The following KLHL28 variants were observed in gnomAD, a reference collection of about 807,000 sequenced individuals.
KLHL28 encodes the protein kelch like family member 28.
Under a neutral mutation model 48.3 loss-of-function variants are expected in KLHL28, and 22 were observed. The ratio of observed to expected loss-of-function variants is 0.46; its 90% confidence interval spans 0.33 to 0.65. The LOEUF is 0.65. Among genes scored for constraint, KLHL28 ranks in the 30% least tolerant of loss-of-function variants. The probability of loss-of-function intolerance (pLI) is 0.03; values close to 1 mark genes in which losing one functional copy is unlikely to be tolerated. For missense variants in KLHL28, 527 were observed against 704.3 expected, an observed-to-expected ratio of 0.75 and a Z score of 2.85; for synonymous variants, 243 against 242.4, an observed-to-expected ratio of 1.00 and a Z score of -0.02.
In KLHL28 at chr14:44,945,022, C is replaced by G; in HGVS notation, c.899+8G>C. On this transcript the variant is annotated splice_region_variant and intron_variant, in intron 2 of 4. Coordinates refer to ENST00000396128, the MANE Select transcript of KLHL28 (RefSeq NM_017658.5). ...AGCATCATTCATTTAGGAAAGCCTTCTATTTACCTATCCAAACAGGCAAAG... is the reference window on the plus strand; with the variant it reads ...AGCATCATTCATTTAGGAAAGCCTTGTATTTACCTATCCAAACAGGCAAAG... The G allele has an allele frequency of 6.4e-7, 1 of 1,567,804 alleles. No homozygotes were observed. The highest frequency in any genetic ancestry group is 8.7e-7 in the Non-Finnish European group (1 of 1,148,826).
At chr14:44,929,581 G>A (rs1883498481) in intron 4 of KLHL28, among the ~76,000 whole-genome samples, 1 of 152,064 alleles carries the variant, frequency 6.6e-6, no homozygotes, top group Non-Finnish European at 1.5e-5. Flanking sequence ...TACATATATA[G>A]GGTTTGGTAC....
chr14:44,945,192 T>A lies in KLHL28; in HGVS notation c.737A>T (p.Asp246Val). 1.9e-6 allele frequency: 3 copies of A among 1,614,180 alleles called. No homozygotes were observed. The highest frequency in any genetic ancestry group is 2.5e-6 in the Non-Finnish European group (3 of 1,180,024). Residue 246 changes from aspartate to valine, a missense_variant, in exon 2 of 5, where the codon GAT (aspartate) becomes GTT (valine). By Grantham distance (152) the Asp-to-Val change is radical. Transcript: ENST00000396128. ...CAAAAGATGTTTACAAGTGCGATCA[T>A]CACGAATAAGATGATTTGCTTCATA... The part of the protein sequence containing the change: ...RLYEANHLIR[D>V]DRTCKHLLNE...
At chr14:44,958,393 T>TAA (rs139748762) in intron 1 of KLHL28, among the ~76,000 whole-genome samples, 1 of 149,410 alleles carries the variant, frequency 6.7e-6, no homozygotes, top group Admixed American at 6.7e-5. Flanking sequence ...AGATTACTCT[T>TAA]AAAAAAAAAA....
chr14:44,931,500 A>C lies in KLHL28; in HGVS notation c.1385T>G (p.Val462Gly). Reference sequence around the variant, plus strand: ...AATCCTTTTATCTGCCATGGATGCAACCATCTCCCAGGAGTCCTTACTTGG... The same window carrying C: ...AATCCTTTTATCTGCCATGGATGCACCCATCTCCCAGGAGTCCTTACTTGG... The part of the protein sequence containing the change: ...YDPSKDSWEM[V>G]ASMADKRIHF... Residue 462 changes from valine to glycine, a missense_variant, in exon 4 of 5, where the codon GTT (valine) becomes GGT (glycine). Physicochemically the swap from Val to Gly is moderately radical, Grantham distance 109 (BLOSUM62 -3). Coordinates refer to ENST00000396128, the MANE Select transcript of KLHL28 (RefSeq NM_017658.5). 6.2e-7 allele frequency: 1 copy of C among 1,614,088 alleles called. No individual in the cohort carries two copies. The highest frequency in any genetic ancestry group is 8.5e-7 in the Non-Finnish European group (1 of 1,179,978).
chr14:44,959,871 A>G (rs1158872969), intron 1 of KLHL28, among the ~76,000 whole-genome samples: 2 of 152,178 alleles, frequency 1.3e-5, no homozygotes, highest in Non-Finnish European at 2.9e-5. Context: ...ATTAAATACA[A>G]AAGGCTTTTT....
chr14:44,944,402 C>T (rs1470615547), intron 2 of KLHL28, among the ~76,000 whole-genome samples: 2 of 152,178 alleles, frequency 1.3e-5, no homozygotes, highest in African/African-American at 2.4e-5. Flanking sequence ...TTACATGGCT[C>T]ACAAAGTCTA....
chr14:44,932,692 C>A (rs1883640529), intron 3 of KLHL28, among the ~76,000 whole-genome samples: 1 of 152,188 alleles, frequency 6.6e-6, no homozygotes, highest in Non-Finnish European at 1.5e-5. Context: ...AGACCAAAAT[C>A]ATTGAAGAAG....
chr14:44,945,658 C>G lies in KLHL28; in HGVS notation c.271G>C (p.Glu91Gln), dbSNP rs1884300696. The change falls in exon 2 of 5, where the codon GAG becomes CAG. Residue 91 changes from glutamate to glutamine, a missense_variant. Glu to Gln is a conservative substitution (Grantham distance 29). Coordinates refer to ENST00000396128, the MANE Select transcript of KLHL28 (RefSeq NM_017658.5). ...AAAACAGTCCCTGTATAGGCATACT[C>G]CACAATGGCCTGGAGAGCAGTTTCA... ...IDETALQAIV[E>Q]YAYTGTVFIS... 1.2e-6 allele frequency: 2 copies of G among 1,614,074 alleles called. No homozygotes were observed. The highest frequency in any genetic ancestry group is 2.2e-5 in the South Asian group (2 of 91,088).
At chr14:44,949,675 A>G (rs1321945770) in intron 1 of KLHL28, among the ~76,000 whole-genome samples, 1 of 152,124 alleles carries the variant, frequency 6.6e-6, no homozygotes, top group Non-Finnish European at 1.5e-5. Flanking sequence ...ATCCTGAAAG[A>G]CTTATATCTA....
intron 2 of KLHL28, among the ~76,000 whole-genome samples, chr14:44,936,271 T>C (rs1883820765): frequency 6.6e-6 from 1 of 152,116 alleles, no homozygotes; most frequent in South Asian, 2.1e-4. Flanking sequence ...TAATTTAACC[T>C]GGAAGCTTAA....
intron 1 of KLHL28, 65 bp from the exon 2 acceptor site, chr14:44,945,993 C>A: frequency 8.1e-7 from 1 of 1,236,022 alleles, no homozygotes. Flanking sequence ...CACTGCTTTT[C>A]AAATAGTACA....
intron 2 of KLHL28, among the ~76,000 whole-genome samples, chr14:44,942,674 T>C (rs1015632353): frequency 2.0e-5 from 3 of 152,190 alleles, no homozygotes; most frequent in Non-Finnish European, 4.4e-5. Context: ...TAATGTATCA[T>C]GCCATTGTGT....
Position 44,934,201 on chromosome 14 carries a change from C to T in KLHL28, c.1257G>A (p.Met419Ile), listed in dbSNP as rs925408963. The change falls in exon 3 of 5, where the codon ATG becomes ATA. Residue 419 changes from methionine to isoleucine, a missense_variant. By Grantham distance (10) the Met-to-Ile change is conservative. Coordinates refer to ENST00000396128, the MANE Select transcript of KLHL28 (RefSeq NM_017658.5). ...KIRKWQPVAP[M>I]TTTRSCFAAA... ...CAGCAAAACAACTTCTTGTTGTCGT[C>T]ATTGGTGCCACAGGTTGCCATTTTC... 6.2e-7 allele frequency: 1 copy of T among 1,614,038 alleles called. No homozygotes were observed. The highest frequency in any genetic ancestry group is 1.7e-5 in the Admixed American group (1 of 59,992).
At position 44,924,724 on chromosome 14, in the gene KLHL28, G is replaced by A. The variant is rs920707880; in HGVS notation, c.*4304C>T. The A allele has an allele frequency of 6.6e-6, 1 of 152,546 alleles. No homozygotes were observed. Among genetic ancestry groups the A allele is most frequent in the African/African-American group, 2.4e-5 (1 of 41,418 alleles). 9.4% of individuals were successfully genotyped at this position (152,546 alleles called of 1,614,324 possible). A position where few individuals can be genotyped will look rare whatever the true frequency, so the allele number is the denominator to read the frequency against. On this transcript the variant is annotated 3_prime_UTR_variant, in exon 5 of 5. Transcript: ENST00000396128. ...ATCATCCAGTTCTTTAACTTCACTT[G>A]TATTTTAAGGCAAACTTGGAACTTT...
At chr14:44,957,481 A>T (rs188798048) in intron 1 of KLHL28, among the ~76,000 whole-genome samples, 1 of 152,232 alleles carries the variant, frequency 6.6e-6, no homozygotes, top group Non-Finnish European at 1.5e-5. Context: ...TCTACACATT[A>T]CATACAAAAA....
In KLHL28 at chr14:44,945,022, C is replaced by T. The variant is rs1334869949; in HGVS notation, c.899+8G>A. ...AGCATCATTCATTTAGGAAAGCCTTCTATTTACCTATCCAAACAGGCAAAG... is the reference window on the plus strand; with the variant it reads ...AGCATCATTCATTTAGGAAAGCCTTTTATTTACCTATCCAAACAGGCAAAG... On this transcript the variant is annotated splice_region_variant and intron_variant, in intron 2 of 4. Coordinates refer to ENST00000396128, the MANE Select transcript of KLHL28 (RefSeq NM_017658.5). The T allele has an allele frequency of 1.3e-6, 2 of 1,567,686 alleles. No individual in the cohort carries two copies. Among genetic ancestry groups the T allele is most frequent in the African/African-American group, 2.7e-5 (2 of 73,768 alleles).
chr14:44,937,149 T>G (rs1242879734), intron 2 of KLHL28, among the ~76,000 whole-genome samples: 1 of 134,906 alleles, frequency 7.4e-6, no homozygotes, highest in East Asian at 2.1e-4. Context: ...TGTTTTTTTC[T>G]TTTTTTTTTT....
At chr14:44,953,418 T>C (rs1884670971) in intron 1 of KLHL28, among the ~76,000 whole-genome samples, 1 of 152,240 alleles carries the variant, frequency 6.6e-6, no homozygotes, top group Non-Finnish European at 1.5e-5. Context: ...GAGGTAGGGC[T>C]TTTAAGAGGT....
chr14:44,960,512 C>A (rs1313409118), intron 1 of KLHL28, among the ~76,000 whole-genome samples: 1 of 152,216 alleles, frequency 6.6e-6, no homozygotes, highest in Non-Finnish European at 1.5e-5. Context: ...TCATTGACAA[C>A]TGCTACAATC....
Sources: allele counts gnomAD v4.1 joint callset (sites outside exome capture counted in the v4.1 genomes callset), GRCh38; gene constraint gnomAD v4.1.1; transcripts MANE v1.5; gene names NCBI Gene and HGNC (gene_info 2026-07-23, HGNC 2026-07-21).